The following DNAH3 variants were observed in gnomAD, a reference collection of about 807,000 sequenced individuals.
DNAH3 encodes dynein axonemal heavy chain 3, also known as axonemal beta dynein heavy chain 3.
DNAH3 carries 332 observed loss-of-function variants against 432.5 expected under a neutral mutation model. That is an observed-to-expected ratio of 0.77 (90% CI 0.70 to 0.84). DNAH3 has a LOEUF of 0.84. Ranked by LOEUF, DNAH3 falls within the 40% of genes least tolerant of loss-of-function variation. The pLI is 0.00. For synonymous variants in DNAH3, 1,956 were observed against 1,900.2 expected (o/e 1.03, Z -0.76); for missense variants, 4,861 against 5,114.0 (o/e 0.95, Z 1.51).
At chr16:21,044,156 G>A (rs1412758251) in intron 31 of DNAH3, among the ~76,000 whole-genome samples, 1 of 132,130 alleles carries the variant, frequency 7.6e-6, no homozygotes, top group Non-Finnish European at 1.6e-5. Context: ...GGCGATGCGG[G>A]CTCTTTTTTG....
At chr16:21,122,092 C>T (rs2092355625) in exon 10 of DNAH3, 7 of 1,613,032 alleles carry the variant, frequency 4.3e-6, no homozygotes, top group Non-Finnish European at 5.9e-6. Context: ...AAAACTTCAT[C>T]TCTTGGTAGG....
intron 44 of DNAH3, 72 bp downstream of exon 44, chr16:20,997,211 C>T (rs1441125902): frequency 1.3e-6 from 2 of 1,523,992 alleles, no homozygotes; most frequent in Non-Finnish European, 1.8e-6. Context: ...CACACCAACC[C>T]ACCTTTCATA....
At chr16:20,946,733 C>T (rs551233046) in intron 57 of DNAH3, among the ~76,000 whole-genome samples, 21 of 149,676 alleles carry the variant, frequency 1.4e-4, no homozygotes, top group Admixed American at 6.0e-4. Flanking sequence ...CCGCAGGAAA[C>T]AGAATCTCTC....
exon 48 of DNAH3, chr16:20,985,395 G>A (rs2086141281): frequency 6.8e-6 from 11 of 1,614,146 alleles, no homozygotes; most frequent in Non-Finnish European, 5.1e-6. Context: ...ATGCGTTCAT[G>A]AATGTGGACA....
chr16:21,071,228 G>C (rs1031049711), intron 21 of DNAH3, among the ~76,000 whole-genome samples: 1 of 152,160 alleles, frequency 6.6e-6, no homozygotes, highest in Non-Finnish European at 1.5e-5. Context: ...TTTTAGTAGA[G>C]ACAGGGTTTC....
rs1274020952 is a variant in DNAH3, at chr16:20,963,185, C to G, written c.10600+99G>C. On this transcript the variant is annotated intron_variant, in intron 53 of 61. Transcript: ENST00000261383. ...CCTATGAACCACCTGGCCTTCAAAG[C>G]CATCTGAACTTGAGATCCCTGCTGT... 3.3e-6 allele frequency: 4 copies of G among 1,212,002 alleles called. No individual in the cohort carries two copies. The East Asian group carries it at 9.9e-5, about 30-fold the overall frequency. 75.1% of individuals were successfully genotyped at this position (1,212,002 alleles called of 1,614,324 possible).
chr16:20,980,553 T>A (rs1364622395), intron 49 of DNAH3, among the ~76,000 whole-genome samples: 1 of 151,228 alleles, frequency 6.6e-6, no homozygotes, highest in Non-Finnish European at 1.5e-5. Context: ...TCTGCACTTT[T>A]AGTAGAGATG....
chr16:21,113,959 A>G (rs1030931668), intron 12 of DNAH3, among the ~76,000 whole-genome samples: 1 of 152,216 alleles, frequency 6.6e-6, no homozygotes, highest in African/African-American at 2.4e-5. Context: ...CGCAGATAGT[A>G]CTGAACCCTT....
chr16:20,955,204 T>G, intron 54 of DNAH3, 147 bp from the exon 55 acceptor site: 1 of 763,972 alleles, frequency 1.3e-6, no homozygotes, highest in Non-Finnish European at 1.9e-6. Context: ...ATTATTTTAT[T>G]GATAAATTAA....
chr16:21,037,287 C>T (rs925784282), intron 34 of DNAH3, among the ~76,000 whole-genome samples: 8 of 151,894 alleles, frequency 5.3e-5, no homozygotes, highest in Non-Finnish European at 5.9e-5. Flanking sequence ...CTAGCCTGGG[C>T]GACAGAACAA....
intron 16 of DNAH3, 95 bp downstream of exon 16, chr16:21,104,376 T>G: frequency 2.7e-5 from 28 of 1,055,382 alleles, no homozygotes; most frequent in South Asian, 5.4e-5. Context: ...TGCCATGGAG[T>G]GAGCTGGGGG....
intron 14 of DNAH3, among the ~76,000 whole-genome samples, chr16:21,107,239 C>CTTTTTTTT (rs5816146): frequency 2.2e-5 from 2 of 91,304 alleles, no homozygotes; most frequent in Non-Finnish European, 4.3e-5. Context: ...AATTTTTAAT[C>CTTTTTTTT]TTTTTTTTTT....
chr16:20,949,601 T>C (rs2084219966), intron 56 of DNAH3, among the ~76,000 whole-genome samples: 2 of 152,154 alleles, frequency 1.3e-5, no homozygotes, highest in Admixed American at 6.6e-5. Context: ...ATATCCCTGG[T>C]GGATAAAGAG....
At chr16:21,048,133 G>T (rs1307220958) in intron 31 of DNAH3, among the ~76,000 whole-genome samples, 1 of 152,248 alleles carries the variant, frequency 6.6e-6, no homozygotes, top group African/African-American at 2.4e-5. Flanking sequence ...CTTTTTGTTT[G>T]TCTGTGCCCT....
At chr16:21,159,224 G>A in intron 1 of DNAH3, 1 of 1,060,972 alleles carries the variant, frequency 9.4e-7, no homozygotes, top group African/African-American at 1.5e-5. Context: ...AGTATCAAAG[G>A]GGGCTTCTTT....
intron 59 of DNAH3, among the ~76,000 whole-genome samples, chr16:20,937,112 CA>C (rs2083619810): frequency 6.6e-6 from 1 of 152,162 alleles, no homozygotes; most frequent in African/African-American, 2.4e-5. Context: ...TCTTTCTTAG[CA>C]TATAGGAAAC....
At chr16:21,138,376 G>C (rs971759355) in intron 5 of DNAH3, among the ~76,000 whole-genome samples, 3 of 152,160 alleles carry the variant, frequency 2.0e-5, no homozygotes, top group African/African-American at 7.2e-5. Context: ...TTTAAGAACT[G>C]CCTGGGTGCA....
At chr16:21,075,639 A>G in intron 20 of DNAH3, 78 bp from the exon 21 acceptor site, 3 of 1,085,678 alleles carry the variant, frequency 2.8e-6, no homozygotes, top group Non-Finnish European at 4.3e-6. Context: ...CAGGCCAGGC[A>G]TGGTGGCTCA....
chr16:21,048,024 T>A lies in DNAH3; in HGVS notation c.4461+1545A>T, dbSNP rs369193698. Among the ~76,000 whole-genome samples, 350 of 152,306 alleles carry A rather than the reference T, an allele frequency of 2.3e-3. 7 individuals carry two copies. The South Asian group carries it at 0.044, about 19-fold the overall frequency. On this transcript the variant is annotated intron_variant, in intron 31 of 61. Transcript: ENST00000261383. Reference sequence around the variant, plus strand: ...GTCAGGGACCCACTTGAGGAAGCAGTCTGCCCGTTCTCAGATCTCCAGCTG... The same window carrying A: ...GTCAGGGACCCACTTGAGGAAGCAGACTGCCCGTTCTCAGATCTCCAGCTG...
Sources: gnomAD v4.1 joint callset for allele counts (sites outside exome capture counted in the v4.1 genomes callset) on GRCh38, gnomAD v4.1.1 for gene constraint, MANE v1.5 for transcripts, NCBI Gene and HGNC (gene_info 2026-07-23, HGNC 2026-07-21) for gene names.